The following TBC1D2B variants were observed in gnomAD, a reference collection of about 807,000 sequenced individuals.
The protein encoded by TBC1D2B is TBC1 domain family, member 2B.
In TBC1D2B, 64 loss-of-function variants were observed where a neutral mutation model predicts 100.8. That is an observed-to-expected ratio of 0.64 (90% confidence interval 0.52 to 0.78). The LOEUF (loss-of-function observed/expected upper bound fraction) is 0.78, where lower values mean the gene tolerates loss of function less well. Ranked by LOEUF, TBC1D2B falls within the 30% of genes least tolerant of loss-of-function variation. TBC1D2B has a pLI of 0.00. For synonymous variants in TBC1D2B, 480 were observed against 479.7 expected (o/e 1.00, Z -0.01); for missense variants, 1,052 against 1,218.4 (o/e 0.86, Z 2.03).
chr15:78,016,523 T>A (rs1206191708), intron 8 of TBC1D2B, 23 bp downstream of exon 8: 4 of 1,608,808 alleles, frequency 2.5e-6, no homozygotes, highest in Non-Finnish European at 3.4e-6. Flanking sequence ...TGCACTACCC[T>A]CAACAGTCAC....
intron 8 of TBC1D2B, among the ~76,000 whole-genome samples, chr15:78,015,231 T>A (rs1036206108): frequency 1.3e-5 from 2 of 151,460 alleles, no homozygotes; most frequent in African/African-American, 4.9e-5. Context: ...AACAAAACAA[T>A]AAAATAAAAT....
chr15:78,053,668 C>T (rs1484832611), intron 2 of TBC1D2B: 3 of 178,798 alleles, frequency 1.7e-5, no homozygotes, highest in African/African-American at 7.1e-5. Flanking sequence ...TATACAAACA[C>T]CTGTCAATCT....
At chr15:78,030,817 T>TACAACA (rs771410939) in intron 3 of TBC1D2B, among the ~76,000 whole-genome samples, 1 of 152,060 alleles carries the variant, frequency 6.6e-6, no homozygotes, top group Non-Finnish European at 1.5e-5. Context: ...AATAAAAAGG[T>TACAACA]ACAACAACCT....
chr15:78,016,794 C>G, intron 7 of TBC1D2B, 55 bp from the exon 8 acceptor site: 1 of 1,402,876 alleles, frequency 7.1e-7, no homozygotes, highest in Non-Finnish European at 9.4e-7. Context: ...GAAGAGCAAT[C>G]TTTAGGTACG....
intron 3 of TBC1D2B, among the ~76,000 whole-genome samples, chr15:78,041,116 T>C (rs75846818): frequency 9.2e-5 from 14 of 152,238 alleles, no homozygotes; most frequent in Non-Finnish European, 1.3e-4. Flanking sequence ...AAGTTTTTTT[T>C]CTTTGATTTT....
chr15:78,057,218 T>G (rs186512359), intron 1 of TBC1D2B, among the ~76,000 whole-genome samples: 5 of 152,306 alleles, frequency 3.3e-5, no homozygotes, highest in Admixed American at 3.3e-4. Context: ...GGCAAAACTT[T>G]TAGATCACAT....
intron 6 of TBC1D2B, among the ~76,000 whole-genome samples, chr15:78,019,084 G>T (rs1354616043): frequency 6.6e-6 from 1 of 151,936 alleles, no homozygotes; most frequent in East Asian, 1.9e-4. Flanking sequence ...ACAAGCAGGA[G>T]ACTGCTGCCG....
intron 1 of TBC1D2B, among the ~76,000 whole-genome samples, chr15:78,075,197 AT>A (rs150515862): frequency 2.4e-3 from 364 of 149,932 alleles, no homozygotes; most frequent in Middle Eastern, 0.014. Context: ...CTTATTTATT[AT>A]TTTTTTTTTA....
rs113706604 is a variant in TBC1D2B at position 78,030,754 on chromosome 15, A to C, written c.684-584T>G. 9.3e-3 allele frequency among the ~76,000 whole-genome samples: 1,411 copies of C among 152,370 alleles called. 6 individuals carry two copies. The highest frequency in any genetic ancestry group is 0.016 in the Non-Finnish European group (1,064 of 68,024). On this transcript the variant is annotated intron_variant, in intron 3 of 12. Transcript: ENST00000300584. ...CTAAAAGAAATTCTTACATATGTGC[A>C]CAAGGAGACACAAGCAAAAACATTC...
intron 3 of TBC1D2B, among the ~76,000 whole-genome samples, chr15:78,040,826 GGAAAGAAA>G (rs1446612689): frequency 4.1e-4 from 10 of 24,252 alleles, no homozygotes; most frequent in Non-Finnish European, 8.6e-4. Context: ...CAAGAAAGAA[GGAAAGAAA>G]GAAAAAAGAA....
At position 78,001,603 on chromosome 15, in the gene TBC1D2B, A is replaced by G; in HGVS notation, c.2696+16T>C. 1 of 1,596,588 alleles carries G rather than the reference A, an allele frequency of 6.3e-7. No homozygotes were observed. The highest frequency in any genetic ancestry group is 8.5e-7 in the Non-Finnish European group (1 of 1,171,654). On this transcript the variant is annotated intron_variant, in intron 12 of 12. Coordinates refer to ENST00000300584, the MANE Select transcript of TBC1D2B (RefSeq NM_144572.2). The stretch of plus-strand genomic sequence containing the variant: ...TTCCTGCTCTCCTTGACATCTGAGA[A>G]CTCCCCAGGACTCACCTAGCATCAA...
intron 1 of TBC1D2B, among the ~76,000 whole-genome samples, chr15:78,070,903 A>G (rs1706358230): frequency 6.6e-6 from 1 of 152,128 alleles, no homozygotes; most frequent in African/African-American, 2.4e-5. Flanking sequence ...GCTTGCTGCA[A>G]CCTCTGTTTC....
intron 12 of TBC1D2B, 149 bp downstream of exon 12, chr15:78,001,470 C>T (rs907551615): frequency 2.1e-6 from 2 of 971,772 alleles, no homozygotes; most frequent in Non-Finnish European, 2.8e-6. Context: ...ACACCCCTTG[C>T]TCTCTTTTCC....
rs148076084 is a variant in TBC1D2B, at chr15:78,039,970, C to A, written c.683+4930G>T. ...AGCCAGAGGTCCACATCAGGCCCAG[C>A]CTAGCACCCAGAGATGGGCGCACAG... On this transcript the variant is annotated intron_variant, in intron 3 of 12. Transcript: ENST00000300584. 2.6e-5 allele frequency among the ~76,000 whole-genome samples: 4 copies of A among 152,330 alleles called. No individual in the cohort carries two copies. The East Asian group carries it at 7.7e-4, about 29-fold the overall frequency.
At chr15:78,075,222 T>G (rs1057270671) in intron 1 of TBC1D2B, among the ~76,000 whole-genome samples, 1 of 151,958 alleles carries the variant, frequency 6.6e-6, no homozygotes, top group Non-Finnish European at 1.5e-5. Flanking sequence ...TTTTTTGAGA[T>G]GGAGTCTCAC....
At chr15:78,000,735 A>G (rs990147818) in intron 12 of TBC1D2B, among the ~76,000 whole-genome samples, 9 of 152,242 alleles carry the variant, frequency 5.9e-5, no homozygotes, top group Admixed American at 2.6e-4. Context: ...GGGGACATAC[A>G]GACGAGGATG....
intron 3 of TBC1D2B, 86 bp downstream of exon 3, chr15:78,044,814 T>C (rs1034547605): frequency 1.6e-6 from 2 of 1,272,110 alleles, no homozygotes; most frequent in African/African-American, 1.5e-5. Flanking sequence ...TGTAAGATAG[T>C]TTTATAACTT....
At chr15:78,012,291 A>G (rs1293621018) in intron 9 of TBC1D2B, among the ~76,000 whole-genome samples, 2 of 152,158 alleles carry the variant, frequency 1.3e-5, no homozygotes, top group Admixed American at 6.5e-5. Flanking sequence ...AGCCTACATC[A>G]CCCAGAAAAC....
At chr15:78,055,723 T>C (rs2073408138) in intron 1 of TBC1D2B, among the ~76,000 whole-genome samples, 1 of 152,258 alleles carries the variant, frequency 6.6e-6, no homozygotes, top group African/African-American at 2.4e-5. Flanking sequence ...TTGGGTATTT[T>C]ACAGAAAGTT....
Sources: allele counts gnomAD v4.1 joint callset (sites outside exome capture counted in the v4.1 genomes callset), GRCh38; gene constraint gnomAD v4.1.1; transcripts MANE v1.5; gene names NCBI Gene and HGNC (gene_info 2026-07-23, HGNC 2026-07-21).